FAM78B: variants seen among roughly 807,000 people sequenced by gnomAD.
FAM78B encodes the protein protein FAM78B.
A neutral mutation model predicts 20.0 loss-of-function variants in FAM78B; 10 were observed. The ratio of observed to expected loss-of-function variants is 0.50; its 90% CI spans 0.31 to 0.85. The LOEUF is 0.85. Among genes scored for constraint, FAM78B ranks in the 40% least tolerant of loss-of-function variants. The probability of loss-of-function intolerance (pLI) is 0.05; values close to 1 mark genes in which losing one functional copy is unlikely to be tolerated. For missense variants in FAM78B, 283 were observed against 345.0 expected (o/e 0.82, Z 1.42); for synonymous variants, 135 against 132.8 (o/e 1.02, Z -0.12).
intron 1 of FAM78B, among the ~76,000 whole-genome samples, chr1:166,077,777 TATA>T (rs1439106847): frequency 7.3e-6 from 1 of 136,850 alleles, no homozygotes; most frequent in Non-Finnish European, 1.5e-5. Context: ...ATGAATTATA[TATA>T]ATAAATACAT....
Position 166,166,342 on chromosome 1 carries a change from C to A in FAM78B, c.-94G>T. On this transcript the variant is annotated 5_prime_UTR_variant, in exon 1 of 2. Coordinates refer to ENST00000354422, the MANE Select transcript of FAM78B (RefSeq NM_001017961.5). ...CCCGTCACGCCGGCATGGCGACGCGCCGCTCGCTCCCGGTCAGACTCAGCT... is the reference window on the plus strand; with the variant it reads ...CCCGTCACGCCGGCATGGCGACGCGACGCTCGCTCCCGGTCAGACTCAGCT... 1 of 1,014,556 alleles carries A rather than the reference C, an allele frequency of 9.9e-7. No individual in the cohort carries two copies. Among genetic ancestry groups the A allele is most frequent in the Non-Finnish European group, 1.2e-6 (1 of 841,780 alleles). 62.8% of individuals were successfully genotyped at this position (1,014,556 alleles called of 1,614,324 possible). A position where few individuals can be genotyped will look rare whatever the true frequency, so the allele number is the denominator to read the frequency against.
At chr1:166,155,318 T>C (rs1186307864) in intron 1 of FAM78B, among the ~76,000 whole-genome samples, 4 of 152,202 alleles carry the variant, frequency 2.6e-5, no homozygotes, top group African/African-American at 4.8e-5. Flanking sequence ...TTTCTAAATC[T>C]GGCTCTGGCA....
Position 166,166,080 on chromosome 1 carries a change from T to G in FAM78B, c.169A>C (p.Met57Leu), listed in dbSNP as rs1219019175. Reference protein sequence around the residue: ...PYFKASARVVMPPIPRHETWV... With the variant: ...PYFKASARVVLPPIPRHETWV... The stretch of plus-strand genomic sequence containing the variant: ...GTCTCGTGGCGGGGGATGGGGGGCA[T>G]GACCACGCGGGCGGAGGCTTTGAAG... Residue 57 changes from methionine to leucine, a missense_variant, in exon 1 of 2, where the codon ATG becomes CTG. Met to Leu is a conservative substitution (Grantham distance 15). Transcript: ENST00000354422. The G allele has an allele frequency of 6.2e-7, 1 of 1,613,770 alleles. No individual in the cohort carries two copies. Among genetic ancestry groups the G allele is most frequent in the Non-Finnish European group, 8.5e-7 (1 of 1,179,922 alleles).
intron 1 of FAM78B, chr1:166,154,919 C>A: frequency 2.3e-6 from 1 of 443,520 alleles, no homozygotes; most frequent in Non-Finnish European, 4.7e-6. Context: ...TGATCTACCA[C>A]TTGCATTCTT....
downstream of FAM78B, among the ~76,000 whole-genome samples, chr1:166,065,915 T>A (rs1277271066): frequency 6.6e-6 from 1 of 152,246 alleles, no homozygotes; most frequent in Non-Finnish European, 1.5e-5. Flanking sequence ...GAAGAGTATG[T>A]GAGTGTGGCA....
chr1:166,124,378 A>C (rs1446507428), intron 1 of FAM78B, among the ~76,000 whole-genome samples: 1 of 152,210 alleles, frequency 6.6e-6, no homozygotes, highest in African/African-American at 2.4e-5. Flanking sequence ...TGATAACAAC[A>C]AAAACAAACA....
chr1:166,147,504 T>C (rs1409998713), intron 1 of FAM78B, among the ~76,000 whole-genome samples: 1 of 152,132 alleles, frequency 6.6e-6, no homozygotes, highest in Non-Finnish European at 1.5e-5. Context: ...GAAATTACAG[T>C]ATTGTCAAGG....
intron 1 of FAM78B, among the ~76,000 whole-genome samples, chr1:166,123,092 G>GTGTA (rs1413743291): frequency 6.6e-6 from 1 of 152,212 alleles, no homozygotes; most frequent in African/African-American, 2.4e-5. Context: ...GAGCAGCAGG[G>GTGTA]GGTAGATCCC....
At chr1:166,060,448 A>G in exon 3 of FAM78B, 2 of 478,944 alleles carry the variant, frequency 4.2e-6, no homozygotes, top group Non-Finnish European at 7.8e-6. Context: ...CAATCAGCCC[A>G]GGGCAAGTGC....
At chr1:166,164,718 G>T (rs1257883885) in intron 1 of FAM78B, 1 of 152,198 alleles carries the variant, frequency 6.6e-6, no homozygotes, top group Admixed American at 6.5e-5. Flanking sequence ...CCTGCAAACT[G>T]CTGCTAAAAA....
chr1:166,123,909 C>T (rs753999945), intron 1 of FAM78B, among the ~76,000 whole-genome samples: 3 of 152,162 alleles, frequency 2.0e-5, no homozygotes, highest in East Asian at 1.9e-4. Flanking sequence ...ATAATTATTG[C>T]GGCCAGTAGA....
chr1:166,164,888 C>T (rs1656300553), intron 1 of FAM78B: 1 of 152,212 alleles, frequency 6.6e-6, no homozygotes, highest in African/African-American at 2.4e-5. Flanking sequence ...TTAGGGTGTT[C>T]TAGACCTACA....
chr1:166,093,919 G>T (rs1358517971), intron 1 of FAM78B, among the ~76,000 whole-genome samples: 1 of 151,916 alleles, frequency 6.6e-6, no homozygotes. Flanking sequence ...CATAGGCCCA[G>T]GATCAATGAC....
At position 166,166,303 on chromosome 1, in the gene FAM78B, G is replaced by GCT; in HGVS notation, c.-56_-55insAG. The stretch of plus-strand genomic sequence containing the variant: ...GTGGGGCAGCGCGGGGGCCCGCGCG[G>GCT]GCAGCCGGGGGCGCCCGTCACGCCG... On this transcript the variant is annotated 5_prime_UTR_variant, in exon 1 of 2. Transcript: ENST00000354422. 2 of 1,158,568 alleles carry GCT rather than the reference G, an allele frequency of 1.7e-6. No individual in the cohort carries two copies. The highest frequency in any genetic ancestry group is 2.1e-6 in the Non-Finnish European group (2 of 940,924). 71.8% of individuals were successfully genotyped at this position (1,158,568 alleles called of 1,614,324 possible).
chr1:166,109,711 C>T (rs1015569411), intron 1 of FAM78B, among the ~76,000 whole-genome samples: 1 of 148,726 alleles, frequency 6.7e-6, no homozygotes, highest in Admixed American at 6.7e-5. Context: ...CTTGGACACG[C>T]ATGTTTATAG....
At chr1:166,096,627 A>G (rs972005687) in intron 1 of FAM78B, among the ~76,000 whole-genome samples, 3 of 152,124 alleles carry the variant, frequency 2.0e-5, no homozygotes, top group Non-Finnish European at 2.9e-5. Flanking sequence ...GTAAAGTAGA[A>G]CGAGAGTATC....
At chr1:166,158,009 G>T (rs544751651) in intron 1 of FAM78B, among the ~76,000 whole-genome samples, 11 of 152,218 alleles carry the variant, frequency 7.2e-5, no homozygotes, top group African/African-American at 2.7e-4. Context: ...ATGCAAGGAG[G>T]TTCACACACA....
chr1:166,090,550 T>G (rs1653026744), intron 1 of FAM78B, among the ~76,000 whole-genome samples: 1 of 151,732 alleles, frequency 6.6e-6, no homozygotes, highest in South Asian at 2.1e-4. Context: ...AACTAACCCC[T>G]TTGAAGGGAA....
chr1:166,115,153 C>T (rs1459784597), intron 1 of FAM78B, among the ~76,000 whole-genome samples: 1 of 152,178 alleles, frequency 6.6e-6, no homozygotes, highest in African/African-American at 2.4e-5. Flanking sequence ...AAGCTCTGGG[C>T]TCACAGCAGT....
Sources: allele counts gnomAD v4.1 joint callset (sites outside exome capture counted in the v4.1 genomes callset), GRCh38; gene constraint gnomAD v4.1.1; transcripts MANE v1.5; gene names NCBI Gene and HGNC (gene_info 2026-07-23, HGNC 2026-07-21).